BMP3: variants seen among roughly 807,000 people sequenced by gnomAD.
The protein encoded by BMP3 is bone morphogenetic protein 3 (osteogenic).
In BMP3, 23 loss-of-function variants were observed where a neutral mutation model predicts 38.1. The observed-to-expected ratio is 0.60, with a 90% CI of 0.43 to 0.86. The LOEUF (loss-of-function observed/expected upper bound fraction) is 0.86, where lower values mean the gene tolerates loss of function less well. BMP3 is among the 40% of genes least tolerant of loss of function. The probability of loss-of-function intolerance (pLI) is 0.00; values close to 1 mark genes in which losing one functional copy is unlikely to be tolerated. For synonymous variants in BMP3, 258 were observed against 225.7 expected (o/e 1.14, Z -1.28); for missense variants, 628 against 579.6 (o/e 1.08, Z -0.86).
intron 2 of BMP3, 52 bp downstream of exon 2, chr4:81,046,700 G>T: frequency 2.0e-6 from 3 of 1,533,766 alleles, no homozygotes; most frequent in Non-Finnish European, 2.6e-6. Flanking sequence ...TTAGTAGAAA[G>T]ACACATTGAC....
intron 1 of BMP3, 109 bp from the exon 2 acceptor site, chr4:81,045,629 T>G: frequency 1.1e-6 from 1 of 939,286 alleles, no homozygotes; most frequent in Non-Finnish European, 1.5e-6. Context: ...AAAAATTTCA[T>G]GGATTTAGTT....
chr4:81,031,427 C>T lies in BMP3; in HGVS notation c.143C>T (p.Ser48Phe), dbSNP rs762009813. The T allele has an allele frequency of 1.9e-6, 3 of 1,613,580 alleles. No homozygotes were observed. The highest frequency in any genetic ancestry group is 1.7e-5 in the Admixed American group (1 of 59,994). ...CGCACGGCAGGTGGTGGCCCGGACT[C>T]CGAGCTGCAGCCGCAAGACAAGGTC... ...GDRTAGGGPD[S>F]ELQPQDKVSE... The change falls in exon 1 of 3, where the codon TCC (serine) becomes TTC (phenylalanine). Residue 48 changes from serine (S) to phenylalanine (F), a missense_variant. Transcript: ENST00000282701.
rs1481885243 is a variant in BMP3, at chr4:81,031,665, C to G, written c.316+65C>G. The G allele has an allele frequency of 4.1e-6, 6 of 1,471,056 alleles. No individual in the cohort carries two copies. The East Asian group carries it at 1.2e-4, about 30-fold the overall frequency. The allele number at this position is 1,471,056 out of a possible 1,614,324, so 91.1% of individuals were successfully genotyped here. ...CCCAGCTTTCTCCCGGGACCCCCCACAGCTTCCTTGTCTGCCCCTTGCTTG... is the reference window on the plus strand; with the variant it reads ...CCCAGCTTTCTCCCGGGACCCCCCAGAGCTTCCTTGTCTGCCCCTTGCTTG... On this transcript the variant is annotated intron_variant, in intron 1 of 2. Transcript: ENST00000282701.
In BMP3 at chr4:81,046,567, T is replaced by A. The variant is rs367892876; in HGVS notation, c.1146T>A (p.Ile382=). Residue 382 remains isoleucine (I), a synonymous_variant, in exon 2 of 3, where the codon ATT becomes ATA. Coordinates refer to ENST00000282701, the MANE Select transcript of BMP3 (RefSeq NM_001201.5). ...ACCTCAAGGTAGACTTTGCAGATAT[T>A]GGCTGGAGTGAATGGATTATCTCCC... is the stretch of plus-strand genomic sequence containing the variant. ...RRYLKVDFAD[I]GWSEWIISPK... The A allele has an allele frequency of 1.3e-4, 205 of 1,614,156 alleles. 4 individuals carry two copies. In the South Asian group the frequency reaches 2.2e-3, roughly 17 times the overall value.
chr4:81,044,398 T>C (rs1432584535), intron 1 of BMP3, among the ~76,000 whole-genome samples: 1 of 152,208 alleles, frequency 6.6e-6, no homozygotes, highest in East Asian at 1.9e-4. Context: ...TGTTTATTAC[T>C]CTCTTTTTAT....
chr4:81,033,087 T>C (rs1739822271), intron 1 of BMP3, among the ~76,000 whole-genome samples: 1 of 152,152 alleles, frequency 6.6e-6, no homozygotes, highest in African/African-American at 2.4e-5. Context: ...GGAAGTTGGG[T>C]GAGCTAGGCA....
At chr4:81,052,002 C>CT (rs796392056) in intron 2 of BMP3, among the ~76,000 whole-genome samples, 2,232 of 144,792 alleles carry the variant, frequency 0.015, 33 homozygotes, top group African/African-American at 0.04. Context: ...TCCTTTTTTT[C>CT]TTTTTTTTTT....
intron 1 of BMP3, among the ~76,000 whole-genome samples, chr4:81,043,041 C>T (rs545771916): frequency 1.3e-5 from 2 of 152,340 alleles, no homozygotes; most frequent in African/African-American, 4.8e-5. Flanking sequence ...ATATGTTTCC[C>T]ATTGCACTTC....
In BMP3 at chr4:81,030,878, C is replaced by A; in HGVS notation, c.-407C>A. ...GCGCACAGCCCCGGCTCCGACCTGG[C>A]GCCCAAAACAGAGCTAGTCCTAGTC... On this transcript the variant is annotated 5_prime_UTR_variant, in exon 1 of 3. Transcript: ENST00000282701. 5.5e-6 allele frequency: 1 copy of A among 182,416 alleles called. No homozygotes were observed. Among genetic ancestry groups the A allele is most frequent in the Non-Finnish European group, 1.1e-5 (1 of 88,758 alleles). 11.3% of individuals were successfully genotyped at this position (182,416 alleles called of 1,614,324 possible).
rs1353862238 is a variant in BMP3 at position 81,054,548 on chromosome 4, T to G, written c.*1012T>G. 1 of 152,326 alleles carries G rather than the reference T, an allele frequency of 6.6e-6. No individual in the cohort carries two copies. The highest frequency in any genetic ancestry group is 1.9e-4 in the East Asian group (1 of 5,192). The allele number at this position is 152,326 out of a possible 1,614,324, so 9.4% of individuals were successfully genotyped here. A position where few individuals can be genotyped will look rare whatever the true frequency, so the allele number is the denominator to read the frequency against. On this transcript the variant is annotated 3_prime_UTR_variant, in exon 3 of 3. Coordinates refer to ENST00000282701, the MANE Select transcript of BMP3 (RefSeq NM_001201.5). ...ACTGGTAGAATATTGAAGATCTTCT[T>G]AAATGACCAATTTAACCATAACCAA...
intron 2 of BMP3, among the ~76,000 whole-genome samples, chr4:81,047,420 T>C (rs1044390571): frequency 1.3e-5 from 2 of 152,192 alleles, no homozygotes; most frequent in Non-Finnish European, 1.5e-5. Flanking sequence ...TTCAAGTGAC[T>C]GTTCTCTTTG....
At chr4:81,041,287 G>A (rs1298589741) in intron 1 of BMP3, among the ~76,000 whole-genome samples, 5 of 152,068 alleles carry the variant, frequency 3.3e-5, no homozygotes, top group African/African-American at 1.2e-4. Flanking sequence ...TTCATCCATT[G>A]TAAATGCTCA....
chr4:81,049,326 G>A (rs1740344576), intron 2 of BMP3, among the ~76,000 whole-genome samples: 1 of 152,144 alleles, frequency 6.6e-6, no homozygotes, highest in Non-Finnish European at 1.5e-5. Context: ...TCACAAAGCT[G>A]AAAATAGGTT....
chr4:81,046,073 G>C lies in BMP3; in HGVS notation c.652G>C (p.Gly218Arg). The change falls in exon 2 of 3, where the codon GGA becomes CGA. Residue 218 changes from glycine to arginine, a missense_variant. Transcript: ENST00000282701. ...KAKENEEFLI[G>R]FNITSKGRQL... The stretch of plus-strand genomic sequence containing the variant: ...CAAAGAAAATGAAGAGTTCCTCATA[G>C]GATTTAACATTACGTCCAAGGGACG... 6.2e-7 allele frequency: 1 copy of C among 1,614,130 alleles called. No individual in the cohort carries two copies. The highest frequency in any genetic ancestry group is 8.5e-7 in the Non-Finnish European group (1 of 1,180,008).
At chr4:81,040,498 C>T (rs1385329428) in intron 1 of BMP3, among the ~76,000 whole-genome samples, 2 of 152,202 alleles carry the variant, frequency 1.3e-5, no homozygotes, top group East Asian at 1.9e-4. Flanking sequence ...TAACTATCAC[C>T]GTTAGACTGC....
At position 81,057,428 on chromosome 4, in the gene BMP3, A is replaced by C. The variant is rs1740603987; in HGVS notation, c.*3892A>C. ...GTATATTGCAGTGAAACTGTGAAGG[A>C]TACTTCACTACCAATGTATAAGCTT... On this transcript the variant is annotated 3_prime_UTR_variant, in exon 3 of 3. Transcript: ENST00000282701. 6.6e-6 allele frequency: 1 copy of C among 152,124 alleles called. No individual in the cohort carries two copies. Among genetic ancestry groups the C allele is most frequent in the Admixed American group, 6.5e-5 (1 of 15,272 alleles). 9.4% of individuals were successfully genotyped at this position (152,124 alleles called of 1,614,324 possible). A position where few individuals can be genotyped will look rare whatever the true frequency, so the allele number is the denominator to read the frequency against.
intron 1 of BMP3, chr4:81,037,355 G>A (rs185623473): frequency 4.2e-6 from 1 of 237,672 alleles, no homozygotes; most frequent in South Asian, 5.1e-5. Context: ...TTTTCAAGTA[G>A]AGAAAAGATT....
chr4:81,056,616 T>C lies in BMP3; in HGVS notation c.*3080T>C, dbSNP rs1740577970. On this transcript the variant is annotated 3_prime_UTR_variant, in exon 3 of 3. Coordinates refer to ENST00000282701, the MANE Select transcript of BMP3 (RefSeq NM_001201.5). ...TTTAAAAATACTTTGTTGTAACCTG[T>C]GTAAATAATATACAATTTACAGGAT... The C allele has an allele frequency of 1.3e-5, 2 of 152,666 alleles. No homozygotes were observed. The highest frequency in any genetic ancestry group is 1.3e-4 in the Admixed American group (2 of 15,274). 9.5% of individuals were successfully genotyped at this position (152,666 alleles called of 1,614,324 possible).
chr4:81,032,183 T>C (rs952620214), intron 1 of BMP3, among the ~76,000 whole-genome samples: 6 of 112,724 alleles, frequency 5.3e-5, no homozygotes, highest in African/African-American at 2.4e-4. Context: ...TACTTGATAG[T>C]TCCTTAGTGG....
Sources: allele counts gnomAD v4.1 joint callset (sites outside exome capture counted in the v4.1 genomes callset), GRCh38; gene constraint gnomAD v4.1.1; transcripts MANE v1.5; gene names NCBI Gene and HGNC (gene_info 2026-07-23, HGNC 2026-07-21).